Variants in STAB2 observed in about 807,000 individuals in gnomAD.
STAB2 encodes the protein stabilin 2, also known as stabilin-2.
Under a neutral mutation model 338.1 loss-of-function variants are expected in STAB2, and 288 were observed. The observed-to-expected ratio is 0.85, with a 90% confidence interval of 0.77 to 0.94. The LOEUF is 0.94. STAB2 is among the 40% of genes least tolerant of loss of function. STAB2 has a pLI of 0.00. For synonymous variants in STAB2, 1,202 were observed against 1,193.3 expected (o/e 1.01, Z -0.15); for missense variants, 3,141 against 3,210.1 (o/e 0.98, Z 0.52).
rs1399445424 is a variant in STAB2, at chr12:103,692,964, T to G, written c.3375+75T>G. ...GTTTATCGTCCTATACAGCATTTTT[T>G]TTTTTAAATAGAAAAATACTTAGCC... On this transcript the variant is annotated intron_variant, in intron 31 of 68. Transcript: ENST00000388887. 7 of 1,267,640 alleles carry G rather than the reference T, an allele frequency of 5.5e-6. No individual in the cohort carries two copies. In the East Asian group the frequency reaches 1.2e-4, roughly 23 times the overall value. The allele number at this position is 1,267,640 out of a possible 1,614,324, so 78.5% of individuals were successfully genotyped here. A position where few individuals can be genotyped will look rare whatever the true frequency, so the allele number is the denominator to read the frequency against.
At chr12:103,649,272 G>A (rs1873562035) in intron 10 of STAB2, among the ~76,000 whole-genome samples, 1 of 152,172 alleles carries the variant, frequency 6.6e-6, no homozygotes, top group Non-Finnish European at 1.5e-5. Flanking sequence ...TTGAATTTTG[G>A]AATAGTCTTG....
At chr12:103,614,168 T>C (rs1957173512) in intron 3 of STAB2, among the ~76,000 whole-genome samples, 1 of 152,204 alleles carries the variant, frequency 6.6e-6, no homozygotes, top group South Asian at 2.1e-4. Context: ...ATTCAGACAT[T>C]GCAAATATTA....
intron 4 of STAB2, 137 bp downstream of exon 4, chr12:103,620,690 G>A: frequency 1.3e-6 from 1 of 796,760 alleles, no homozygotes; most frequent in Non-Finnish European, 2.0e-6. Flanking sequence ...TTCTTAAGCA[G>A]TGAAGGTATT....
chr12:103,632,020 T>G (rs890033088), intron 6 of STAB2, among the ~76,000 whole-genome samples: 1 of 151,862 alleles, frequency 6.6e-6, no homozygotes, highest in Non-Finnish European at 1.5e-5. Flanking sequence ...TCTCAACAAG[T>G]GAGTCACCTA....
chr12:103,617,210 G>A (rs138533844), intron 3 of STAB2, among the ~76,000 whole-genome samples: 1,735 of 152,246 alleles, frequency 0.011, 25 homozygotes, highest in Admixed American at 0.03. Flanking sequence ...TTACCGGAGT[G>A]TCTGTTAAAT....
At chr12:103,650,421 G>A (rs1234187255) in intron 10 of STAB2, 75 bp from the exon 11 acceptor site, 3 of 1,305,994 alleles carry the variant, frequency 2.3e-6, no homozygotes, top group Non-Finnish European at 3.3e-6. Context: ...CCCAAGACCT[G>A]TTGCCTGATT....
intron 24 of STAB2, among the ~76,000 whole-genome samples, chr12:103,676,324 T>G (rs1876366873): frequency 6.6e-6 from 1 of 151,934 alleles, no homozygotes. Flanking sequence ...CCCAAAGTGC[T>G]AGGACTACAG....
chr12:103,741,798 G>A (rs1219860963), intron 55 of STAB2, among the ~76,000 whole-genome samples: 3 of 152,144 alleles, frequency 2.0e-5, no homozygotes, highest in African/African-American at 7.2e-5. Context: ...GCACAGAGAG[G>A]ACAAGAAGTA....
intron 33 of STAB2, among the ~76,000 whole-genome samples, chr12:103,696,102 G>A (rs1878382034): frequency 6.6e-6 from 1 of 152,210 alleles, no homozygotes; most frequent in South Asian, 2.1e-4. Context: ...TAAGGGTGTG[G>A]TGTTGGTGTG....
intron 2 of STAB2, among the ~76,000 whole-genome samples, chr12:103,592,858 C>G (rs1956820709): frequency 6.6e-6 from 1 of 152,158 alleles, no homozygotes; most frequent in Non-Finnish European, 1.5e-5. Context: ...ATCCTTCCAA[C>G]CCTTAACAAC....
chr12:103,622,253 C>T (rs1957313539), intron 5 of STAB2, 142 bp downstream of exon 5: 5 of 840,884 alleles, frequency 5.9e-6, no homozygotes, highest in East Asian at 2.7e-5. Context: ...GGAGTTTAAT[C>T]GGGCAATGAA....
At chr12:103,645,191 G>T (rs894139221) in intron 9 of STAB2, among the ~76,000 whole-genome samples, 1 of 152,158 alleles carries the variant, frequency 6.6e-6, no homozygotes, top group African/African-American at 2.4e-5. Flanking sequence ...CCTTAAGACA[G>T]CAAGAGACAT....
intron 40 of STAB2, 83 bp downstream of exon 40, chr12:103,711,599 G>T: frequency 6.7e-7 from 1 of 1,486,848 alleles, no homozygotes; most frequent in Non-Finnish European, 9.2e-7. Flanking sequence ...TATCCTCAGG[G>T]GATTTGTTTC....
Position 103,695,535 on chromosome 12 carries a change from G to C in STAB2, c.3376-15G>C, listed in dbSNP as rs746498697. 3.1e-6 allele frequency: 5 copies of C among 1,613,920 alleles called. No homozygotes were observed. The Admixed American group carries it at 8.3e-5, about 27-fold the overall frequency. On this transcript the variant is annotated splice_polypyrimidine_tract_variant and intron_variant, in intron 31 of 68. Coordinates refer to ENST00000388887, the MANE Select transcript of STAB2 (RefSeq NM_017564.10). ...CCAAAACATGCTAACAGGATTCTGG[G>C]GTTTCTTTTTTCAGGTGCTGGTCCC...
chr12:103,753,260 C>G lies in STAB2; in HGVS notation c.6621C>G (p.Gly2207=). Residue 2207 remains glycine, a synonymous_variant, in exon 61 of 69, where the codon GGC becomes GGG. Coordinates refer to ENST00000388887, the MANE Select transcript of STAB2 (RefSeq NM_017564.10). ...TGTTCCATCTACGCTCCCCACTGGGCCAGTATAAGCTGACCTTTGACAAAG... is the reference window on the plus strand; with the variant it reads ...TGTTCCATCTACGCTCCCCACTGGGGCAGTATAAGCTGACCTTTGACAAAG... ...VGVFHLRSPL[G]QYKLTFDKAR... is the part of the protein sequence containing the mutation. The G allele has an allele frequency of 6.2e-7, 1 of 1,614,226 alleles. No individual in the cohort carries two copies. Among genetic ancestry groups the G allele is most frequent in the African/African-American group, 1.3e-5 (1 of 75,062 alleles).
chr12:103,603,264 G>A (rs1956980678), intron 3 of STAB2, among the ~76,000 whole-genome samples: 1 of 152,176 alleles, frequency 6.6e-6, no homozygotes, highest in East Asian at 1.9e-4. Context: ...TAGAGACGGG[G>A]TTTCATCATG....
intron 41 of STAB2, among the ~76,000 whole-genome samples, chr12:103,713,173 A>G (rs1157883081): frequency 6.6e-6 from 1 of 152,250 alleles, no homozygotes; most frequent in Non-Finnish European, 1.5e-5. Context: ...CTGAATTAAT[A>G]CCTGTGAAGT....
chr12:103,707,721 T>G (rs1235987810), intron 38 of STAB2, among the ~76,000 whole-genome samples: 1 of 152,238 alleles, frequency 6.6e-6, no homozygotes, highest in Non-Finnish European at 1.5e-5. Context: ...TACCTAGTAC[T>G]AAAAACCATA....
At chr12:103,766,173 C>A in intron 68 of STAB2, 113 bp from the exon 69 acceptor site, 1 of 1,372,068 alleles carries the variant, frequency 7.3e-7, no homozygotes, top group Non-Finnish European at 1.0e-6. Flanking sequence ...CCAGCACATA[C>A]GTGTTCACAG....
Sources: allele counts gnomAD v4.1 joint callset (sites outside exome capture counted in the v4.1 genomes callset), GRCh38; gene constraint gnomAD v4.1.1; transcripts MANE v1.5; gene names NCBI Gene and HGNC (gene_info 2026-07-23, HGNC 2026-07-21).